TUSC3: variants seen among roughly 807,000 people sequenced by gnomAD.
TUSC3 encodes tumor suppressor candidate 3, also known as dolichyl-diphosphooligosaccharide--protein glycosyltransferase subunit TUSC3.
In TUSC3, 45 loss-of-function variants were observed where a neutral mutation model predicts 44.8. That is an observed-to-expected ratio of 1.00 (90% CI 0.79 to 1.29). The LOEUF (loss-of-function observed/expected upper bound fraction) is 1.29. TUSC3 is among the 50% of genes most tolerant of loss of function. The probability of loss-of-function intolerance (pLI) is 0.00; values close to 1 mark genes in which losing one functional copy is unlikely to be tolerated. For missense variants in TUSC3, 519 were observed against 437.9 expected (o/e 1.19, Z -1.65); for synonymous variants, 212 against 152.9 (o/e 1.39, Z -2.85).
chr8:15,583,089 G>T (rs1348807847), intron 1 of TUSC3, among the ~76,000 whole-genome samples: 3 of 152,278 alleles, frequency 2.0e-5, no homozygotes, highest in Non-Finnish European at 2.9e-5. Flanking sequence ...GAGAATGAAA[G>T]GAGAGGCTAG....
chr8:15,591,081 G>T (rs1803817265), intron 1 of TUSC3, among the ~76,000 whole-genome samples: 1 of 152,060 alleles, frequency 6.6e-6, no homozygotes, highest in African/African-American at 2.4e-5. Flanking sequence ...TATAGGAGGT[G>T]GTGAACAAAT....
chr8:15,798,969 T>C, the TUSC3 span, among the ~76,000 whole-genome samples: 3 of 152,300 alleles, frequency 2.0e-5, no homozygotes, highest in African/African-American at 7.2e-5. Context: ...ATATCAACAT[T>C]GTAAATCCAA....
intron 6 of TUSC3, among the ~76,000 whole-genome samples, chr8:15,715,164 G>C (rs961513636): frequency 2.6e-5 from 4 of 151,930 alleles, no homozygotes; most frequent in Non-Finnish European, 5.9e-5. Context: ...CCATCATTCA[G>C]TGCTTGAAAT....
intron 1 of TUSC3, among the ~76,000 whole-genome samples, chr8:15,450,034 C>T (rs937031585): frequency 6.6e-6 from 1 of 152,066 alleles, no homozygotes; most frequent in African/African-American, 2.4e-5. Context: ...CCTCTGTGAT[C>T]TTAGCACAAC....
intron 6 of TUSC3, among the ~76,000 whole-genome samples, chr8:15,698,413 G>A (rs1266634258): frequency 6.6e-6 from 1 of 152,136 alleles, no homozygotes; most frequent in Non-Finnish European, 1.5e-5. Context: ...TATTGTGTTT[G>A]AGACTTGATT....
intron 6 of TUSC3, chr8:15,689,005 AC>A: frequency 3.9e-6 from 1 of 255,992 alleles, no homozygotes. Context: ...TTACAGTCAA[AC>A]AACCGGGCCA....
chr8:15,424,900 G>A (rs10090209), intron 1 of TUSC3, among the ~76,000 whole-genome samples: 24,743 of 151,456 alleles, frequency 0.16, 2,534 homozygotes, highest in African/African-American at 0.29. Context: ...AAGAAAACTC[G>A]TTAGTGCCCT....
In TUSC3 at chr8:15,615,135, G is replaced by T. The variant is rs147791898; in HGVS notation, c.139-7945G>T. Among the ~76,000 whole-genome samples, 409 of 152,238 alleles carry T rather than the reference G, an allele frequency of 2.7e-3. 2 individuals are homozygous for T. The highest frequency in any genetic ancestry group is 9.5e-3 in the African/African-American group (393 of 41,548). ...TATTTATCCAAAGGAAAGGAAATCAGTGTATCAAAGAGATACCTGTCCTCT... is the reference window on the plus strand; with the variant it reads ...TATTTATCCAAAGGAAAGGAAATCATTGTATCAAAGAGATACCTGTCCTCT... On this transcript the variant is annotated intron_variant, in intron 1 of 10. Transcript: ENST00000503731.
At chr8:15,700,849 C>CTTTTT (rs71211076) in intron 6 of TUSC3, among the ~76,000 whole-genome samples, 6 of 90,540 alleles carry the variant, frequency 6.6e-5, no homozygotes, top group African/African-American at 2.0e-4. Context: ...ATGGCTGGAG[C>CTTTTT]TTTTTTTTTT....
At chr8:15,812,324 T>G in the TUSC3 span, among the ~76,000 whole-genome samples, 4 of 152,230 alleles carry the variant, frequency 2.6e-5, no homozygotes, top group Admixed American at 2.6e-4. Flanking sequence ...GGAGGTTGTC[T>G]GTGTACGTTC....
At chr8:15,482,299 C>G (rs919020222) in intron 1 of TUSC3, among the ~76,000 whole-genome samples, 63 of 152,190 alleles carry the variant, frequency 4.1e-4, no homozygotes, top group Non-Finnish European at 5.4e-4. Flanking sequence ...TTGGAATCAA[C>G]TTCTTTCAAA....
rs117160061 is a variant in TUSC3 at position 15,626,808 on chromosome 8, C to T, written c.308+3559C>T. 3.5e-4 allele frequency among the ~76,000 whole-genome samples: 53 copies of T among 152,316 alleles called. No individual in the cohort carries two copies. In the East Asian group the frequency reaches 7.5e-3, roughly 22 times the overall value. ...GTCCCCTCTGGACTTTCGGCATAAA[C>T]GAGCATGGGAGAGTGGCTGAGGGGG... On this transcript the variant is annotated intron_variant, in intron 2 of 10. Transcript: ENST00000503731.
At chr8:15,476,414 C>G (rs142113766) in intron 1 of TUSC3, among the ~76,000 whole-genome samples, 1 of 152,234 alleles carries the variant, frequency 6.6e-6, no homozygotes, top group Non-Finnish European at 1.5e-5. Context: ...TATTTATCAA[C>G]TAATGTAATT....
chr8:15,522,791 T>G (rs1478792416), intron 2 of TUSC3, among the ~76,000 whole-genome samples: 1 of 152,108 alleles, frequency 6.6e-6, no homozygotes, highest in African/African-American at 2.4e-5. Flanking sequence ...AAGCTCCTTT[T>G]CTCTAGTGAG....
chr8:15,623,883 A>G (rs895166100), intron 2 of TUSC3, among the ~76,000 whole-genome samples: 2 of 152,172 alleles, frequency 1.3e-5, no homozygotes, highest in African/African-American at 2.4e-5. Flanking sequence ...GGGTACTGGC[A>G]TCGATACAGA....
chr8:15,837,290 C>T, the TUSC3 span, among the ~76,000 whole-genome samples: 1 of 152,112 alleles, frequency 6.6e-6, no homozygotes, highest in African/African-American at 2.4e-5. Context: ...GGCATATGTG[C>T]TTTTCCAAAC....
intron 1 of TUSC3, among the ~76,000 whole-genome samples, chr8:15,472,468 C>T (rs1037580817): frequency 6.6e-6 from 1 of 152,138 alleles, no homozygotes; most frequent in Non-Finnish European, 1.5e-5. Flanking sequence ...TGAGTTTTAT[C>T]TCTGGCCGTT....
At position 15,652,964 on chromosome 8, in the gene TUSC3, C is replaced by T. The variant is rs1020348295; in HGVS notation, c.426+2150C>T. Among the ~76,000 whole-genome samples the T allele has an allele frequency of 2.6e-5, 4 of 152,306 alleles. No homozygotes were observed. In the East Asian group the frequency reaches 7.7e-4, roughly 29 times the overall value. ...GTTACGATACCTGATGTACTAAGTA[C>T]ATACTTAGTGTATTAAACATCTTAT... On this transcript the variant is annotated intron_variant, in intron 3 of 10. Coordinates refer to ENST00000503731, the MANE Select transcript of TUSC3 (RefSeq NM_006765.4).
chr8:15,564,956 T>G (rs549150357), intron 1 of TUSC3, among the ~76,000 whole-genome samples: 2 of 152,146 alleles, frequency 1.3e-5, no homozygotes, highest in Admixed American at 6.5e-5. Context: ...TGGGCAGATA[T>G]GAGGTTTGAA....
Sources: allele counts gnomAD v4.1 joint callset (sites outside exome capture counted in the v4.1 genomes callset), GRCh38; gene constraint gnomAD v4.1.1; transcripts MANE v1.5; gene names NCBI Gene and HGNC (gene_info 2026-07-23, HGNC 2026-07-21).